CCDC150: variants seen among roughly 807,000 people sequenced by gnomAD.
CCDC150 encodes the protein coiled-coil domain containing 150.
CCDC150 carries 151 observed loss-of-function variants against 156.5 expected under a neutral mutation model. The observed-to-expected ratio is 0.97, with a 90% CI of 0.85 to 1.10. The LOEUF (loss-of-function observed/expected upper bound fraction) is 1.10. Among genes scored for constraint, CCDC150 ranks in the 50% least tolerant of loss-of-function variants. The pLI is 0.00. For missense variants in CCDC150, 1,312 were observed against 1,268.1 expected (o/e 1.03, Z -0.53); for synonymous variants, 452 against 429.4 (o/e 1.05, Z -0.65).
intron 4 of CCDC150, 133 bp from the exon 5 acceptor site, chr2:196,658,659 G>T (rs77680272): frequency 0.015 from 9,124 of 590,778 alleles, 90 homozygotes; most frequent in Non-Finnish European, 0.018. Context: ...TTATAACAAG[G>T]AGTATTTATA....
chr2:196,707,376 G>A (rs1696731085), intron 15 of CCDC150, among the ~76,000 whole-genome samples: 1 of 151,958 alleles, frequency 6.6e-6, no homozygotes, highest in Admixed American at 6.6e-5. Context: ...TTTTTTTATT[G>A]TGTCTATTTG....
intron 10 of CCDC150, 39 bp from the exon 11 acceptor site, chr2:196,676,104 T>G (rs769669900): frequency 1.2e-6 from 2 of 1,609,444 alleles, no homozygotes. Context: ...CAAAAGACTT[T>G]GTGGAGCTTC....
At chr2:196,731,991 CTCTT>C (rs750355751) in intron 26 of CCDC150, 38 bp from the exon 27 acceptor site, 277 of 1,582,462 alleles carry the variant, frequency 1.8e-4, no homozygotes, top group African/African-American at 7.6e-4. Context: ...AAACTTGTAA[CTCTT>C]TCTTTGTGTC....
intron 15 of CCDC150, among the ~76,000 whole-genome samples, chr2:196,707,544 G>T (rs994543250): frequency 2.0e-5 from 3 of 151,736 alleles, no homozygotes; most frequent in Non-Finnish European, 2.9e-5. Context: ...TTTCTTGCCT[G>T]CTGCTAGCTT....
chr2:196,727,525 C>T (rs951864485), intron 22 of CCDC150: 2 of 152,166 alleles, frequency 1.3e-5, no homozygotes, highest in African/African-American at 2.4e-5. Context: ...AAATTTGTTA[C>T]GTTTAGTAGT....
Position 196,676,190 on chromosome 2 carries a change from G to T in CCDC150, c.1185G>T (p.Leu395Phe), listed in dbSNP as rs1694493100. 1 of 1,613,514 alleles carries T rather than the reference G, an allele frequency of 6.2e-7. No individual in the cohort carries two copies. The highest frequency in any genetic ancestry group is 1.3e-5 in the African/African-American group (1 of 75,006). ...AGACATTTCAAGAACAAAACTTATT[G>T]CTGGATGCAGCCCATGCCAGTATCA... ...MTQTFQEQNLLLDAAHASITN... is the reference protein window; with the variant it reads ...MTQTFQEQNLFLDAAHASITN... The change falls in exon 11 of 28, where the codon TTG becomes TTT. Residue 395 changes from leucine (L) to phenylalanine (F), a missense_variant. Coordinates refer to ENST00000389175, the MANE Select transcript of CCDC150 (RefSeq NM_001080539.2).
intron 15 of CCDC150, among the ~76,000 whole-genome samples, chr2:196,708,009 A>G (rs570133166): frequency 6.6e-6 from 1 of 152,142 alleles, no homozygotes; most frequent in Non-Finnish European, 1.5e-5. Context: ...AGTTCTGTAG[A>G]TGTCTATTAG....
chr2:196,675,614 A>AGT (rs1485409701), intron 10 of CCDC150, among the ~76,000 whole-genome samples: 67 of 84,942 alleles, frequency 7.9e-4, no homozygotes, highest in African/African-American at 2.2e-3. Flanking sequence ...ACTATGTAAA[A>AGT]CAGTTATAGT....
intron 15 of CCDC150, among the ~76,000 whole-genome samples, chr2:196,707,240 G>T (rs2125679495): frequency 6.6e-6 from 1 of 152,266 alleles, no homozygotes; most frequent in East Asian, 1.9e-4. Context: ...TCTTGGGAGA[G>T]TGTATGTGTC....
At chr2:196,692,901 A>G (rs555433687) in intron 13 of CCDC150, among the ~76,000 whole-genome samples, 1 of 152,242 alleles carries the variant, frequency 6.6e-6, no homozygotes, top group South Asian at 2.1e-4. Context: ...CCATGATCTA[A>G]TATTGTCAGT....
intron 2 of CCDC150, among the ~76,000 whole-genome samples, chr2:196,648,293 C>A (rs895604067): frequency 1.3e-5 from 2 of 152,068 alleles, no homozygotes; most frequent in Non-Finnish European, 2.9e-5. Context: ...ATACCCTTGC[C>A]AGCTTGTTAT....
At chr2:196,702,853 G>C (rs1696332978) in intron 15 of CCDC150, among the ~76,000 whole-genome samples, 4 of 152,084 alleles carry the variant, frequency 2.6e-5, no homozygotes, top group Admixed American at 2.6e-4. Context: ...TGGAGGCTGG[G>C]AAGTCCAGGA....
At chr2:196,723,653 T>C (rs1404737253) in intron 21 of CCDC150, among the ~76,000 whole-genome samples, 1 of 152,016 alleles carries the variant, frequency 6.6e-6, no homozygotes. Flanking sequence ...AGAAGGAGCA[T>C]TTAGTGGAGG....
chr2:196,731,417 G>A (rs967684513), intron 26 of CCDC150, among the ~76,000 whole-genome samples: 4 of 149,696 alleles, frequency 2.7e-5, no homozygotes, highest in African/African-American at 9.8e-5. Context: ...TTCCAAGACA[G>A]GGTCTCACTC....
intron 13 of CCDC150, among the ~76,000 whole-genome samples, chr2:196,688,670 A>G (rs1287966580): frequency 6.6e-6 from 1 of 152,032 alleles, no homozygotes; most frequent in Non-Finnish European, 1.5e-5. Context: ...GTAGGTTGCG[A>G]AAATTTTCTC....
chr2:196,718,677 CT>C (rs1697692115), intron 18 of CCDC150, 46 bp downstream of exon 18: 1 of 1,597,270 alleles, frequency 6.3e-7, no homozygotes, highest in African/African-American at 1.3e-5. Context: ...AGAAGAAGCA[CT>C]TATGAAATCT....
intron 5 of CCDC150, among the ~76,000 whole-genome samples, chr2:196,660,874 CAA>C (rs1559221786): frequency 1.3e-5 from 2 of 152,060 alleles, no homozygotes; most frequent in African/African-American, 4.8e-5. Context: ...TCGACAAACC[CAA>C]GTCACTAAGA....
intron 13 of CCDC150, among the ~76,000 whole-genome samples, chr2:196,683,607 G>T (rs192511889): frequency 6.6e-6 from 1 of 151,946 alleles, no homozygotes; most frequent in Non-Finnish European, 1.5e-5. Flanking sequence ...TAAATATTTT[G>T]TAGCATTTAC....
At chr2:196,732,221 G>A in intron 27 of CCDC150, 69 bp downstream of exon 27, 4 of 1,547,152 alleles carry the variant, frequency 2.6e-6, no homozygotes, top group Non-Finnish European at 3.6e-6. Context: ...AATTACCGAA[G>A]TTCTCTCATC....
Sources: gnomAD v4.1 joint callset for allele counts (sites outside exome capture counted in the v4.1 genomes callset) on GRCh38, gnomAD v4.1.1 for gene constraint, MANE v1.5 for transcripts, NCBI Gene and HGNC (gene_info 2026-07-23, HGNC 2026-07-21) for gene names.